The following CELF2 variants were observed in gnomAD, a reference collection of about 807,000 sequenced individuals.
CELF2 encodes CUG triplet repeat RNA-binding protein 2.
In CELF2, 8 loss-of-function variants were observed where a neutral mutation model predicts 62.6. That is an observed-to-expected ratio of 0.13 (90% CI 0.07 to 0.23). CELF2 has a LOEUF of 0.23. Among genes scored for constraint, CELF2 ranks in the 10% least tolerant of loss-of-function variants. The pLI, the probability that CELF2 is intolerant of heterozygous loss-of-function variation, is 1.00. For synonymous variants in CELF2, 258 were observed against 250.0 expected, an observed-to-expected ratio of 1.03 and a Z score of -0.30; for missense variants, 333 against 671.0, an observed-to-expected ratio of 0.50 and a Z score of 5.56.
chr10:11,305,255 T>A lies in CELF2; in HGVS notation c.977-8884T>A, dbSNP rs975348439. Among the ~76,000 whole-genome samples the A allele has an allele frequency of 2.0e-5, 3 of 152,214 alleles. No individual in the cohort carries two copies. Among genetic ancestry groups the A allele is most frequent in the African/African-American group, 7.2e-5 (3 of 41,454 alleles). ...GTCCTTGCCTCTCTGGAAATTTATTTGAGTTGGTTTGAGAGAGCTTCCAAA... is the reference window on the plus strand; with the variant it reads ...GTCCTTGCCTCTCTGGAAATTTATTAGAGTTGGTTTGAGAGAGCTTCCAAA... On this transcript the variant is annotated intron_variant, in intron 9 of 12. Transcript: ENST00000633077. This position sits in a 1 kb window ranked among gnomAD's most constrained non-coding sequence, Gnocchi z 4.8.
At chr10:10,992,330 C>T (rs1460532614) in intron 2 of CELF2, among the ~76,000 whole-genome samples, 3 of 152,150 alleles carry the variant, frequency 2.0e-5, no homozygotes, top group Non-Finnish European at 4.4e-5. Context: ...GTGGAAGGAA[C>T]AGCGGATTCC....
chr10:10,577,987 G>C, the CELF2 span, among the ~76,000 whole-genome samples: 1 of 152,188 alleles, frequency 6.6e-6, no homozygotes, highest in South Asian at 2.1e-4. Flanking sequence ...CAGTGTAAAA[G>C]TGTTCCTGTT....
At chr10:11,209,069 G>A (rs1378682318) in intron 2 of CELF2, among the ~76,000 whole-genome samples, 1 of 152,152 alleles carries the variant, frequency 6.6e-6, no homozygotes, top group East Asian at 1.9e-4. Context: ...TCTCCCTTTA[G>A]CTAACTTTTG....
the CELF2 span, among the ~76,000 whole-genome samples, chr10:10,467,106 T>C: frequency 3.0e-4 from 45 of 152,074 alleles, no homozygotes; most frequent in African/African-American, 1.1e-3. Flanking sequence ...ATACCACTTA[T>C]AATATACTAG....
chr10:10,783,427 A>G, the CELF2 span, among the ~76,000 whole-genome samples: 1 of 152,196 alleles, frequency 6.6e-6, no homozygotes, highest in African/African-American at 2.4e-5. Flanking sequence ...CCAGAAGCTC[A>G]GAGAGTGGCA....
At chr10:10,803,682 C>G (rs115685979) in intron 1 of CELF2, among the ~76,000 whole-genome samples, 1 of 152,236 alleles carries the variant, frequency 6.6e-6, no homozygotes, top group Non-Finnish European at 1.5e-5. Flanking sequence ...AGCTAATATT[C>G]TCATCACAGC....
At chr10:11,121,511 C>A (rs956696395) in intron 1 of CELF2, among the ~76,000 whole-genome samples, 2 of 152,050 alleles carry the variant, frequency 1.3e-5, no homozygotes, top group Non-Finnish European at 2.9e-5. Context: ...TATTTGAGGC[C>A]CTACTATGTG....
At chr10:11,028,980 C>G (rs1009357938) in intron 1 of CELF2, among the ~76,000 whole-genome samples, 5 of 152,170 alleles carry the variant, frequency 3.3e-5, no homozygotes, top group African/African-American at 9.7e-5. Context: ...TTCCAAAGTT[C>G]TGGGATTACA....
chr10:10,672,177 C>T, the CELF2 span, among the ~76,000 whole-genome samples: 11 of 152,240 alleles, frequency 7.2e-5, no homozygotes, highest in Admixed American at 2.0e-4. Context: ...AAATATTTAT[C>T]GCCGGTCTGT....
At chr10:10,913,601 G>A (rs1252220286) in intron 1 of CELF2, among the ~76,000 whole-genome samples, 1 of 148,684 alleles carries the variant, frequency 6.7e-6, no homozygotes, top group Non-Finnish European at 1.5e-5. Context: ...ATGTTGCCCA[G>A]GCTGGTCCCA....
the CELF2 span, among the ~76,000 whole-genome samples, chr10:10,652,163 G>T: frequency 1.0e-5 from 1 of 99,078 alleles, no homozygotes; most frequent in Admixed American, 1.0e-4. Flanking sequence ...GAGAAGGGAA[G>T]TTTAGAGAAA....
the CELF2 span, among the ~76,000 whole-genome samples, chr10:10,658,815 T>C: frequency 6.3e-4 from 96 of 152,252 alleles, no homozygotes; most frequent in African/African-American, 2.3e-3. Context: ...GTCTTGGTGG[T>C]TTTTATCTGG....
At position 11,330,408 on chromosome 10, in the gene CELF2, C is replaced by T. The variant is rs557159831; in HGVS notation, c.*1355C>T. The T allele has an allele frequency of 2.0e-5, 3 of 152,670 alleles. No homozygotes were observed. The highest frequency in any genetic ancestry group is 7.2e-5 in the African/African-American group (3 of 41,580). The allele number at this position is 152,670 out of a possible 1,614,324, so 9.5% of individuals were successfully genotyped here. ...ACCCTTAAAAGTGATTTTGTTGCCG[C>T]TGCATAGATTCTGTGTAACTTTTTA... On this transcript the variant is annotated 3_prime_UTR_variant, in exon 13 of 13. Coordinates refer to ENST00000633077, the MANE Select transcript of CELF2 (RefSeq NM_001326342.2). This position sits in a 1 kb window ranked among gnomAD's most constrained non-coding sequence, Gnocchi z 4.5.
At chr10:11,119,571 T>C (rs2057292481) in intron 1 of CELF2, among the ~76,000 whole-genome samples, 1 of 152,228 alleles carries the variant, frequency 6.6e-6, no homozygotes, top group African/African-American at 2.4e-5. Context: ...GTTTGTACTA[T>C]AAATCTTTAG....
At chr10:10,818,578 G>A (rs1462847180) in intron 1 of CELF2, among the ~76,000 whole-genome samples, 1 of 132,466 alleles carries the variant, frequency 7.5e-6, no homozygotes, top group East Asian at 2.3e-4. Flanking sequence ...TTGAGACAGA[G>A]TCTCACTGTC....
At chr10:11,084,434 A>G (rs573437149) in intron 1 of CELF2, among the ~76,000 whole-genome samples, 1 of 152,336 alleles carries the variant, frequency 6.6e-6, no homozygotes, top group African/African-American at 2.4e-5. Flanking sequence ...ACAAAATGCT[A>G]CATTAGAGTT....
intron 1 of CELF2, among the ~76,000 whole-genome samples, chr10:10,847,785 T>G (rs2059113550): frequency 6.6e-6 from 1 of 152,176 alleles, no homozygotes; most frequent in Non-Finnish European, 1.5e-5. Flanking sequence ...GAGATGAGGC[T>G]TAGCCGTGGT....
intron 2 of CELF2, chr10:10,929,479 T>C (rs1167464244): frequency 6.6e-6 from 1 of 152,206 alleles, no homozygotes; most frequent in Non-Finnish European, 1.5e-5. Context: ...TGCTTAGGTG[T>C]GTTCATGTCT....
At chr10:10,988,294 T>TATAG (rs570457572) in intron 2 of CELF2, among the ~76,000 whole-genome samples, 8 of 140,766 alleles carry the variant, frequency 5.7e-5, no homozygotes, top group South Asian at 4.4e-4. Context: ...TATATATATA[T>TATAG]AGAGAGAGAG....
Sources: gnomAD v4.1 joint callset for allele counts (sites outside exome capture counted in the v4.1 genomes callset) on GRCh38, gnomAD v4.1.1 for gene constraint, Gnocchi (gnomAD v3.1) non-coding constraint, MANE v1.5 for transcripts, NCBI Gene and HGNC (gene_info 2026-07-23, HGNC 2026-07-21) for gene names.